TNFRSF10B: variants seen among roughly 807,000 people sequenced by gnomAD.
TNFRSF10B encodes tumor necrosis factor receptor superfamily member 10B.
TNFRSF10B carries 35 observed loss-of-function variants against 41.4 expected under a neutral mutation model. The ratio of observed to expected loss-of-function variants is 0.85; its 90% confidence interval spans 0.65 to 1.12. The LOEUF is 1.12. TNFRSF10B is among the 50% of genes most tolerant of loss of function. The probability of loss-of-function intolerance (pLI) is 0.00; values close to 1 mark genes in which losing one functional copy is unlikely to be tolerated. For synonymous variants in TNFRSF10B, 230 were observed against 215.5 expected (o/e 1.07, Z -0.59); for missense variants, 584 against 552.7 (o/e 1.06, Z -0.57).
chr8:23,041,878 A>G (rs931584356), intron 2 of TNFRSF10B, among the ~76,000 whole-genome samples: 5 of 152,096 alleles, frequency 3.3e-5, no homozygotes, highest in African/African-American at 7.2e-5. Flanking sequence ...ATCGTCTCCA[A>G]CTTCAAATCC....
rs779090234 is a variant in TNFRSF10B, at chr8:23,068,826, C to T, written c.69G>A (p.Arg23=). 10 of 1,612,760 alleles carry T rather than the reference C, an allele frequency of 6.2e-6. No homozygotes were observed. The highest frequency in any genetic ancestry group is 1.6e-4 in the Middle Eastern group (1 of 6,078). Residue 23 remains arginine, a synonymous_variant, in exon 1 of 9, where the codon AGG becomes AGA. Coordinates refer to ENST00000276431, the MANE Select transcript of TNFRSF10B (RefSeq NM_003842.5). ...GARKRHGPGP[R]EARGARPGPR... ...GCCCAGGCCTGGCTCCCCGCGCCTC[C>T]CTGGGTCCTGGGCCGTGCCTTTTCC...
At chr8:23,047,644 C>A (rs563125524) in intron 1 of TNFRSF10B, among the ~76,000 whole-genome samples, 1 of 148,354 alleles carries the variant, frequency 6.7e-6, no homozygotes, top group South Asian at 2.1e-4. Context: ...CAAATTAAAA[C>A]CACAATGAGA....
chr8:23,051,646 G>C (rs13279964), intron 1 of TNFRSF10B, among the ~76,000 whole-genome samples: 12 of 151,566 alleles, frequency 7.9e-5, no homozygotes, highest in Non-Finnish European at 1.3e-4. Flanking sequence ...CCGGGTTCAC[G>C]CCATTCTCCT....
chr8:23,059,791 C>T (rs1158329807), intron 1 of TNFRSF10B, among the ~76,000 whole-genome samples: 1 of 152,166 alleles, frequency 6.6e-6, no homozygotes, highest in Non-Finnish European at 1.5e-5. Flanking sequence ...GGATTACAGG[C>T]ATGAGCCACC....
chr8:23,032,237 C>T (rs1811905506), intron 2 of TNFRSF10B, among the ~76,000 whole-genome samples: 1 of 152,168 alleles, frequency 6.6e-6, no homozygotes, highest in Non-Finnish European at 1.5e-5. Context: ...TTAAAATGCA[C>T]AGAAGAATGT....
rs1448347836 is a variant in TNFRSF10B at position 23,022,027 on chromosome 8, GGTGGGCAGA to G, written c.*635_*643del. On this transcript the variant is annotated 3_prime_UTR_variant, in exon 9 of 9. Transcript: ENST00000276431. ...TAATTCCACCGCTTTGGGAGTCTGAGGTGGGCAGACTGCTTGAGTCCAGGAATTCGAGAC... is the reference window on the plus strand; with the variant it reads ...TAATTCCACCGCTTTGGGAGTCTGAGCTGCTTGAGTCCAGGAATTCGAGAC... The G allele has an allele frequency of 2.2e-6, 1 of 450,624 alleles. No homozygotes were observed. Among genetic ancestry groups the G allele is most frequent in the Admixed American group, 2.4e-5 (1 of 42,372 alleles). 27.9% of individuals were successfully genotyped at this position (450,624 alleles called of 1,614,324 possible).
intron 4 of TNFRSF10B, 80 bp downstream of exon 4, chr8:23,029,530 G>C (rs936097829): frequency 8.4e-5 from 117 of 1,400,552 alleles, no homozygotes; most frequent in Non-Finnish European, 1.1e-4. Flanking sequence ...GGTGCTGTCA[G>C]GGGAGAGACA....
chr8:23,044,348 T>G (rs1419100195), intron 1 of TNFRSF10B, among the ~76,000 whole-genome samples: 8 of 152,228 alleles, frequency 5.3e-5, no homozygotes, highest in Non-Finnish European at 1.2e-4. Flanking sequence ...TAAAAACTTT[T>G]GTGCATCCAA....
chr8:23,036,572 T>G (rs1339487235), intron 2 of TNFRSF10B, among the ~76,000 whole-genome samples: 2 of 152,184 alleles, frequency 1.3e-5, no homozygotes, highest in Non-Finnish European at 2.9e-5. Context: ...AGGCCGGGTG[T>G]GGTGGCTCAC....
intron 2 of TNFRSF10B, among the ~76,000 whole-genome samples, chr8:23,035,023 G>C (rs1291834943): frequency 6.6e-6 from 1 of 152,214 alleles, no homozygotes; most frequent in Admixed American, 6.5e-5. Flanking sequence ...GGTCATACCT[G>C]TCAATAAAGA....
chr8:23,044,528 C>G (rs935520218), intron 1 of TNFRSF10B, among the ~76,000 whole-genome samples: 1 of 152,070 alleles, frequency 6.6e-6, no homozygotes, highest in Non-Finnish European at 1.5e-5. Context: ...TGGTAACAAG[C>G]TCCTGAATAG....
intron 1 of TNFRSF10B, among the ~76,000 whole-genome samples, chr8:23,043,621 C>T (rs544495482): frequency 5.9e-5 from 9 of 152,316 alleles, no homozygotes; most frequent in Admixed American, 3.3e-4. Flanking sequence ...CTTATTCTCT[C>T]TCACACAGAC....
intron 2 of TNFRSF10B, among the ~76,000 whole-genome samples, chr8:23,036,758 A>G (rs1253961328): frequency 6.6e-6 from 1 of 152,158 alleles, no homozygotes; most frequent in Non-Finnish European, 1.5e-5. Context: ...CAGGGGAATC[A>G]CTTGAACCCG....
At chr8:23,041,113 C>T (rs1190441789) in intron 2 of TNFRSF10B, among the ~76,000 whole-genome samples, 1 of 149,574 alleles carries the variant, frequency 6.7e-6, no homozygotes, top group Admixed American at 6.7e-5. Context: ...GGCTGAAGTG[C>T]AATGGCGTGA....
chr8:23,066,714 G>C (rs1048122398), intron 1 of TNFRSF10B, among the ~76,000 whole-genome samples: 2 of 151,450 alleles, frequency 1.3e-5, no homozygotes, highest in East Asian at 3.9e-4. Flanking sequence ...TGGCTAACAC[G>C]GTGAAACCCC....
At chr8:23,044,898 A>G (rs554695995) in intron 1 of TNFRSF10B, among the ~76,000 whole-genome samples, 1 of 152,186 alleles carries the variant, frequency 6.6e-6, no homozygotes, top group South Asian at 2.1e-4. Context: ...GAAAAAAGAA[A>G]GAAGACAAAT....
chr8:23,064,429 CTGAT>C (rs1169213822), intron 1 of TNFRSF10B, among the ~76,000 whole-genome samples: 3 of 152,210 alleles, frequency 2.0e-5, no homozygotes, highest in African/African-American at 7.2e-5. Flanking sequence ...GTGGGCCTCT[CTGAT>C]TGAGGGAGAA....
chr8:23,026,062 C>T (rs920383691), intron 7 of TNFRSF10B, among the ~76,000 whole-genome samples: 2 of 151,772 alleles, frequency 1.3e-5, no homozygotes, highest in Non-Finnish European at 2.9e-5. Flanking sequence ...GGTGATAGAG[C>T]AAGATCCTGT....
intron 1 of TNFRSF10B, among the ~76,000 whole-genome samples, chr8:23,065,463 T>C (rs1340390447): frequency 6.6e-6 from 1 of 152,168 alleles, no homozygotes; most frequent in East Asian, 1.9e-4. Context: ...AGACTGACTC[T>C]AGGTGCCTGA....
Sources: allele counts gnomAD v4.1 joint callset (sites outside exome capture counted in the v4.1 genomes callset), GRCh38; gene constraint gnomAD v4.1.1; transcripts MANE v1.5; gene names NCBI Gene and HGNC (gene_info 2026-07-23, HGNC 2026-07-21).